Variants in CHRNG observed in about 807,000 individuals in gnomAD.
CHRNG encodes the protein acetylcholine receptor subunit gamma.
In CHRNG, 72 loss-of-function variants were observed where a neutral mutation model predicts 65.2. The observed-to-expected ratio is 1.10, with a 90% CI of 0.91 to 1.34. The LOEUF (loss-of-function observed/expected upper bound fraction) is 1.34, where lower values mean the gene tolerates loss of function less well. CHRNG is among the 40% of genes most tolerant of loss of function. The pLI is 0.00. For synonymous variants in CHRNG, 284 were observed against 290.2 expected (o/e 0.98, Z 0.22); for missense variants, 637 against 680.1 (o/e 0.94, Z 0.70).
intron 10 of CHRNG, 93 bp downstream of exon 10, chr2:232,544,673 G>T: frequency 6.4e-7 from 1 of 1,573,380 alleles, no homozygotes; most frequent in Non-Finnish European, 8.7e-7. Context: ...GAAGTGCCCA[G>T]GTCAGGGAGA....
Position 232,540,744 on chromosome 2 carries a change from A to T in CHRNG, c.350+33A>T. ...GGGGGTGCAGGCAGGGGTGTGGGGG[A>T]CAAAGGACACAGGGTCTGGGCCCAG... On this transcript the variant is annotated intron_variant, in intron 4 of 11. Coordinates refer to ENST00000651502, the MANE Select transcript of CHRNG (RefSeq NM_005199.5). This position sits in a 1 kb window ranked among gnomAD's most constrained non-coding sequence, Gnocchi z 4.2. 1 of 1,563,042 alleles carries T rather than the reference A, an allele frequency of 6.4e-7. No individual in the cohort carries two copies. The highest frequency in any genetic ancestry group is 8.7e-7 in the Non-Finnish European group (1 of 1,144,188).
At position 232,540,288 on chromosome 2, in the gene CHRNG, A is replaced by C. The variant is rs942800259; in HGVS notation, c.196-93A>C. ...TGGTTGTGGGGGGAGTACTATCAAG[A>C]GGCTGGGGGATGCTTGGCCCCATTG... On this transcript the variant is annotated intron_variant, in intron 2 of 11. Transcript: ENST00000651502. This position sits in a 1 kb window ranked among gnomAD's most constrained non-coding sequence, Gnocchi z 4.2. 4 of 1,601,390 alleles carry C rather than the reference A, an allele frequency of 2.5e-6. No individual in the cohort carries two copies. Among genetic ancestry groups the C allele is most frequent in the Admixed American group, 3.3e-5 (2 of 59,966 alleles).
chr2:232,545,449 G>A (rs974320459), intron 11 of CHRNG, 94 bp from the exon 12 acceptor site: 1 of 1,143,968 alleles, frequency 8.7e-7, no homozygotes, highest in Non-Finnish European at 1.3e-6. Context: ...AGGAAATGGA[G>A]ACATGGGCCT....
In CHRNG at chr2:232,545,580, AC is replaced by A; in HGVS notation, c.1420del (p.Arg474AlafsTer62). 3 of 1,613,942 alleles carry A rather than the reference AC, an allele frequency of 1.9e-6. No homozygotes were observed. Among genetic ancestry groups the A allele is most frequent in the Non-Finnish European group, 2.5e-6 (3 of 1,179,972 alleles). On this transcript the variant is annotated frameshift_variant, in exon 12 of 12. Coordinates refer to ENST00000651502, the MANE Select transcript of CHRNG (RefSeq NM_005199.5). LOFTEE classifies it high-confidence loss of function. ...EEWFLVGRVL[D>X]RVCFLAMLSL... ...TGGTTCCTGGTGGGCCGAGTGCTGGACCGCGTCTGCTTCCTGGCCATGCTCT... is the reference window on the plus strand; with the variant it reads ...TGGTTCCTGGTGGGCCGAGTGCTGGACGCGTCTGCTTCCTGGCCATGCTCT...
rs1574643093 is a variant in CHRNG, at chr2:232,540,201, C to T, written c.195+70C>T. The T allele has an allele frequency of 2.5e-6, 4 of 1,613,062 alleles. No individual in the cohort carries two copies. The East Asian group carries it at 6.7e-5, about 27-fold the overall frequency. On this transcript the variant is annotated intron_variant, in intron 2 of 11. Transcript: ENST00000651502. This position sits in a 1 kb window ranked among gnomAD's most constrained non-coding sequence, Gnocchi z 4.2. The stretch of plus-strand genomic sequence containing the variant: ...ACCTGCTGGGGATAGCATGGGGTGG[C>T]TCCAGCCACCAAGAGGTTGGAGGGC...
Position 232,540,376 on chromosome 2 carries a change from C to A in CHRNG, c.196-5C>A. The stretch of plus-strand genomic sequence containing the variant: ...GCCCTCCATACTACACCCTTGCACC[C>A]CCAGAACGAGCGAGAGGAAGCCCTC... On this transcript the variant is annotated splice_region_variant and splice_polypyrimidine_tract_variant and intron_variant, in intron 2 of 11. Coordinates refer to ENST00000651502, the MANE Select transcript of CHRNG (RefSeq NM_005199.5). This position sits in a 1 kb window ranked among gnomAD's most constrained non-coding sequence, Gnocchi z 4.2. The A allele has an allele frequency of 6.2e-7, 1 of 1,614,056 alleles. No individual in the cohort carries two copies. The highest frequency in any genetic ancestry group is 8.5e-7 in the Non-Finnish European group (1 of 1,179,966).
At position 232,542,991 on chromosome 2, in the gene CHRNG, G is replaced by T. The variant is rs17838626; in HGVS notation, c.714G>T (p.Gln238His). The change falls in exon 7 of 12, where the codon CAG becomes CAT. Residue 238 changes from glutamine to histidine, a missense_variant. Gln to His is a conservative substitution (Grantham distance 24, BLOSUM62 0). Transcript: ENST00000651502. ...HQKVVFYLLI[Q>H]RKPLFYVINI... ...AGGTGGTGTTCTACCTGCTCATCCAGCGCAAGCCCCTCTTCTACGTCATCA... is the reference window on the plus strand; with the variant it reads ...AGGTGGTGTTCTACCTGCTCATCCATCGCAAGCCCCTCTTCTACGTCATCA... 5.2e-4 allele frequency: 836 copies of T among 1,614,228 alleles called. 5 individuals carry two copies. The African/African-American group carries it at 9.1e-3, about 18-fold the overall frequency.
Position 232,547,102 on chromosome 2 carries a change from G to C in CHRNG, c.*1386G>C, listed in dbSNP as rs1008793755. Among the ~76,000 whole-genome samples the C allele has an allele frequency of 6.6e-6, 1 of 152,066 alleles. No individual in the cohort carries two copies. Among genetic ancestry groups the C allele is most frequent in the African/African-American group, 2.4e-5 (1 of 41,400 alleles). On this transcript the variant is annotated 3_prime_UTR_variant, in exon 12 of 12. Coordinates refer to ENST00000651502, the MANE Select transcript of CHRNG (RefSeq NM_005199.5). ...AGGCTGTTCCCTCATCTGTAAATAA[G>C]GTGCAAAAAATAATCCATTCCTGGC...
Position 232,540,362 on chromosome 2 carries a change from T to C in CHRNG, c.196-19T>C. ...AAGTCGGGGGCTGAGCCCTCCATAC[T>C]ACACCCTTGCACCCCCAGAACGAGC... is the stretch of plus-strand genomic sequence containing the variant. On this transcript the variant is annotated intron_variant, in intron 2 of 11. Transcript: ENST00000651502. The surrounding 1 kb of genome is among the most constrained non-coding windows in gnomAD (Gnocchi z 4.2). The C allele has an allele frequency of 6.2e-7, 1 of 1,613,952 alleles. No individual in the cohort carries two copies. Among genetic ancestry groups the C allele is most frequent in the Middle Eastern group, 1.6e-4 (1 of 6,062 alleles).
intron 1 of CHRNG, 62 bp from the exon 2 acceptor site, chr2:232,539,930 C>T: frequency 5.0e-6 from 8 of 1,612,770 alleles, no homozygotes; most frequent in Non-Finnish European, 6.8e-6. Flanking sequence ...CTTCACACCC[C>T]CAGGGCCTCC....
At position 232,540,003 on chromosome 2, in the gene CHRNG, C is replaced by G. The variant is rs374188367; in HGVS notation, c.67C>G (p.Arg23Gly). The G allele has an allele frequency of 6.2e-7, 1 of 1,614,166 alleles. No individual in the cohort carries two copies. The highest frequency in any genetic ancestry group is 8.5e-7 in the Non-Finnish European group (1 of 1,180,008). Residue 23 changes from arginine to glycine, a missense_variant, in exon 2 of 12, where the codon CGG (arginine) becomes GGG (glycine). Transcript: ENST00000651502. The surrounding 1 kb of genome is among the most constrained non-coding windows in gnomAD (Gnocchi z 4.2). ...CCTGTCTATTGCAGGGGCCCAGGGC[C>G]GGAACCAGGAGGAGCGCCTGCTCGC... The part of the protein sequence containing the change: ...LLAVCLGAQG[R>G]NQEERLLADL...
chr2:232,543,389 A>C lies in CHRNG; in HGVS notation c.920A>C (p.Lys307Thr). 1 of 1,607,632 alleles carries C rather than the reference A, an allele frequency of 6.2e-7. No homozygotes were observed. Among genetic ancestry groups the C allele is most frequent in the Non-Finnish European group, 8.5e-7 (1 of 1,174,194 alleles). ...ETSQAVPLIS[K>T]YLTFLLVVTI... ...TCCCAGGCGGTGCCACTCATCAGCA[A>C]GTAAGGCTGGTCTTCATGTCCACCC... Residue 307 changes from lysine (K) to threonine (T), a missense_variant and splice_region_variant, in exon 8 of 12, where the codon AAG becomes ACG. Transcript: ENST00000651502.
At chr2:232,544,992 G>C in intron 11 of CHRNG, 90 bp downstream of exon 11, 1 of 1,551,562 alleles carries the variant, frequency 6.4e-7, no homozygotes. Context: ...GCCAAGATAG[G>C]GCAGTGGGAT....
chr2:232,543,480 A>ACCGC lies in CHRNG; in HGVS notation c.920+93_920+94insGCCC, dbSNP rs1553578009. The stretch of plus-strand genomic sequence containing the variant: ...TGCATTGCCCTCTTGCCCTCCATCC[A>ACCGC]CCCCCCCCATCCTCAATTCAGGAGG... On this transcript the variant is annotated intron_variant, in intron 8 of 11. Coordinates refer to ENST00000651502, the MANE Select transcript of CHRNG (RefSeq NM_005199.5). 4.5e-6 allele frequency: 5 copies of ACCGC among 1,110,086 alleles called. No individual in the cohort carries two copies. The Admixed American group carries it at 5.9e-5, about 13-fold the overall frequency. 68.8% of individuals were successfully genotyped at this position (1,110,086 alleles called of 1,614,324 possible).
chr2:232,548,112 C>A lies in CHRNG; in HGVS notation c.*2396C>A. The A allele has an allele frequency of 1.3e-6, 1 of 742,626 alleles. No individual in the cohort carries two copies. The highest frequency in any genetic ancestry group is 2.1e-6 in the Non-Finnish European group (1 of 473,798). 46.0% of individuals were successfully genotyped at this position (742,626 alleles called of 1,614,324 possible). On this transcript the variant is annotated 3_prime_UTR_variant, in exon 12 of 12. Transcript: ENST00000651502. ...TTGCTAAAAAATGCTGATTATCAAT[C>A]TGAGCCTTCGGTGAGTCGTACTCTT...
chr2:232,542,689 C>T (rs1276097464), intron 6 of CHRNG, among the ~76,000 whole-genome samples, 169 bp downstream of exon 6: 1 of 152,112 alleles, frequency 6.6e-6, no homozygotes, highest in East Asian at 1.9e-4. Flanking sequence ...TCTGACTTTC[C>T]TCATGATAAT....
intron 9 of CHRNG, among the ~76,000 whole-genome samples, 154 bp downstream of exon 9, chr2:232,543,853 G>A (rs1377892542): frequency 6.6e-6 from 1 of 152,228 alleles, no homozygotes; most frequent in Non-Finnish European, 1.5e-5. Flanking sequence ...CAGTAATACA[G>A]GAATGAAATT....
At chr2:232,542,667 G>A (rs927127794) in intron 6 of CHRNG, 147 bp downstream of exon 6, 11 of 734,126 alleles carry the variant, frequency 1.5e-5, no homozygotes, top group African/African-American at 5.3e-5. Flanking sequence ...TTTTTAAAAC[G>A]TCCAACAAAG....
At position 232,539,723 on chromosome 2, in the gene CHRNG, T is replaced by C. The variant is rs1691973287; in HGVS notation, c.-25T>C. On this transcript the variant is annotated 5_prime_UTR_variant, in exon 1 of 12. Coordinates refer to ENST00000651502, the MANE Select transcript of CHRNG (RefSeq NM_005199.5). ...GACCTTGGAGCTGTTGTCCCACCCC[T>C]GTCACTGCAGAGAGCTGAGGCACCA... is the stretch of plus-strand genomic sequence containing the variant. 3.7e-6 allele frequency: 6 copies of C among 1,612,354 alleles called. No homozygotes were observed. The highest frequency in any genetic ancestry group is 1.1e-5 in the South Asian group (1 of 90,956).
Sources: gnomAD v4.1 joint callset for allele counts (sites outside exome capture counted in the v4.1 genomes callset) on GRCh38, gnomAD v4.1.1 for gene constraint, Gnocchi (gnomAD v3.1) non-coding constraint, MANE v1.5 for transcripts, NCBI Gene and HGNC (gene_info 2026-07-23, HGNC 2026-07-21) for gene names.